The following IDE variants were observed in gnomAD, a reference collection of about 807,000 sequenced individuals.
The protein encoded by IDE is insulin degrading enzyme, also known as insulin-degrading enzyme.
A neutral mutation model predicts 133.2 loss-of-function variants in IDE; 58 were observed. The ratio of observed to expected loss-of-function variants is 0.44; its 90% CI spans 0.35 to 0.54. IDE has a LOEUF of 0.54. IDE is among the 20% of genes least tolerant of loss of function. The probability of loss-of-function intolerance (pLI) is 0.00; values close to 1 mark genes in which losing one functional copy is unlikely to be tolerated. For synonymous variants in IDE, 396 were observed against 421.3 expected (o/e 0.94, Z 0.73); for missense variants, 981 against 1,234.0 (o/e 0.79, Z 3.07).
chr10:92,526,559 T>A (rs1849631691), intron 4 of IDE, among the ~76,000 whole-genome samples: 1 of 152,050 alleles, frequency 6.6e-6, no homozygotes, highest in African/African-American at 2.4e-5. Flanking sequence ...TTAGAGAAGT[T>A]AAGAGGCTGG....
At chr10:92,465,646 T>C in intron 20 of IDE, 30 bp downstream of exon 20, 1 of 1,588,148 alleles carries the variant, frequency 6.3e-7, no homozygotes, top group Non-Finnish European at 8.6e-7. Context: ...AAGTCTACAG[T>C]ACCCTGCTAT....
chr10:92,503,657 T>C (rs1848145591), intron 11 of IDE, among the ~76,000 whole-genome samples: 1 of 152,010 alleles, frequency 6.6e-6, no homozygotes, highest in Admixed American at 6.6e-5. Flanking sequence ...ATAATATGTC[T>C]GGAAAAGTTC....
At chr10:92,561,998 G>C (rs907347551) in intron 1 of IDE, among the ~76,000 whole-genome samples, 4 of 152,148 alleles carry the variant, frequency 2.6e-5, no homozygotes, top group African/African-American at 9.7e-5. Context: ...GGCCAAAAAA[G>C]TAATGTAAAT....
At chr10:92,528,267 A>C (rs1163444810) in intron 4 of IDE, among the ~76,000 whole-genome samples, 1 of 152,178 alleles carries the variant, frequency 6.6e-6, no homozygotes, top group Non-Finnish European at 1.5e-5. Flanking sequence ...TTAATCATGA[A>C]GTTTGACAAT....
intron 3 of IDE, among the ~76,000 whole-genome samples, chr10:92,532,970 G>A (rs1414016422): frequency 6.6e-6 from 1 of 152,154 alleles, no homozygotes; most frequent in Non-Finnish European, 1.5e-5. Flanking sequence ...ACCACAAGGG[G>A]AAACTCTATC....
intron 1 of IDE, among the ~76,000 whole-genome samples, chr10:92,556,625 G>T (rs892142828): frequency 2.0e-5 from 3 of 152,156 alleles, no homozygotes; most frequent in Non-Finnish European, 2.9e-5. Flanking sequence ...GGGCGTGGTG[G>T]TGGGTACCTG....
At chr10:92,534,543 C>T in intron 3 of IDE, 35 bp downstream of exon 3, 2 of 1,208,390 alleles carry the variant, frequency 1.7e-6, no homozygotes, top group Middle Eastern at 1.9e-4. Context: ...GATAAGTACA[C>T]AAAGTTGGAT....
intron 7 of IDE, 136 bp from the exon 8 acceptor site, chr10:92,508,341 A>G: frequency 1.4e-6 from 1 of 721,548 alleles, no homozygotes; most frequent in Non-Finnish European, 2.4e-6. Flanking sequence ...GGGAAAAAAA[A>G]ATCAGTTCAG....
In IDE at chr10:92,573,288, G is replaced by C. The variant is rs1036763850; in HGVS notation, c.98+634C>G. 2.0e-5 allele frequency: 11 copies of C among 553,178 alleles called. No homozygotes were observed. The East Asian group carries it at 7.2e-4, about 36-fold the overall frequency. The allele number at this position is 553,178 out of a possible 1,614,324, so 34.3% of individuals were successfully genotyped here. A position where few individuals can be genotyped will look rare whatever the true frequency, so the allele number is the denominator to read the frequency against. On this transcript the variant is annotated intron_variant, in intron 1 of 24. Coordinates refer to ENST00000265986, the MANE Select transcript of IDE (RefSeq NM_004969.4). The stretch of plus-strand genomic sequence containing the variant: ...AAATCAAGCCATCTCTCGGAGCTCC[G>C]GTTGTCTCCGACGTAAAACAAGGGA...
At chr10:92,485,309 C>T (rs1846922539) in intron 13 of IDE, among the ~76,000 whole-genome samples, 1 of 151,754 alleles carries the variant, frequency 6.6e-6, no homozygotes, top group Non-Finnish European at 1.5e-5. Flanking sequence ...TTAGTAGAGA[C>T]GGGGCTTCAC....
chr10:92,461,781 C>T (rs1178152585), intron 21 of IDE, among the ~76,000 whole-genome samples: 1 of 152,036 alleles, frequency 6.6e-6, no homozygotes, highest in Non-Finnish European at 1.5e-5. Context: ...TCTCCTGCCT[C>T]AGTCTCCCAA....
intron 1 of IDE, among the ~76,000 whole-genome samples, chr10:92,552,913 C>T (rs1408270517): frequency 7.9e-6 from 1 of 127,218 alleles, no homozygotes; most frequent in Non-Finnish European, 1.6e-5. Context: ...GTGATTGATT[C>T]AAGGGCTAGG....
chr10:92,564,227 AG>A (rs1274957007), intron 1 of IDE, among the ~76,000 whole-genome samples: 1 of 152,212 alleles, frequency 6.6e-6, no homozygotes, highest in Non-Finnish European at 1.5e-5. Context: ...ATTAGAGGAG[AG>A]AAGCAAAGGG....
Position 92,525,122 on chromosome 10 carries a change from G to A in IDE, c.661+6626C>T, listed in dbSNP as rs543720519. ...CTAAAAATACAAAAATTAGCCAGGC[G>A]TGTGCCTGTAATCCCAGCTACTGGG... On this transcript the variant is annotated intron_variant, in intron 4 of 24. Transcript: ENST00000265986. Among the ~76,000 whole-genome samples the A allele has an allele frequency of 4.6e-5, 7 of 152,120 alleles. 1 individual carries two copies. The South Asian group carries it at 8.3e-4, about 18-fold the overall frequency.
chr10:92,477,709 C>T (rs1361715091), intron 15 of IDE, among the ~76,000 whole-genome samples: 1 of 152,104 alleles, frequency 6.6e-6, no homozygotes. Flanking sequence ...AGCAGAAAAC[C>T]CATTTTGTCA....
At chr10:92,478,321 T>C (rs2135405572) in intron 15 of IDE, among the ~76,000 whole-genome samples, 1 of 152,280 alleles carries the variant, frequency 6.6e-6, no homozygotes, top group South Asian at 2.1e-4. Context: ...CCACAACAAC[T>C]ATGGATATCT....
chr10:92,533,844 T>C (rs1850076433), intron 3 of IDE, among the ~76,000 whole-genome samples: 1 of 151,374 alleles, frequency 6.6e-6, no homozygotes, highest in African/African-American at 2.4e-5. Context: ...ACCAACATGG[T>C]GAAACCCCAT....
At chr10:92,558,941 A>C (rs547105083) in intron 1 of IDE, 3 of 152,054 alleles carry the variant, frequency 2.0e-5, no homozygotes, top group Non-Finnish European at 2.9e-5. Flanking sequence ...AAAAAAAAAA[A>C]AAACCCAATT....
intron 22 of IDE, among the ~76,000 whole-genome samples, chr10:92,456,783 T>G (rs1845033136): frequency 7.5e-6 from 1 of 133,062 alleles, no homozygotes; most frequent in Admixed American, 9.4e-5. Flanking sequence ...GTTTGCCATG[T>G]GCCATGAGCC....
Sources: allele counts gnomAD v4.1 joint callset (sites outside exome capture counted in the v4.1 genomes callset), GRCh38; gene constraint gnomAD v4.1.1; transcripts MANE v1.5; gene names NCBI Gene and HGNC (gene_info 2026-07-23, HGNC 2026-07-21).